Variants in CTSB observed in about 807,000 individuals in gnomAD.
CTSB encodes APP secretase.
Under a neutral mutation model 44.3 loss-of-function variants are expected in CTSB, and 57 were observed. That is an observed-to-expected ratio of 1.29 (90% confidence interval 1.04 to 1.60). The LOEUF is 1.60. CTSB is among the 40% of genes most tolerant of loss of function. The probability of loss-of-function intolerance (pLI) is 0.00; values close to 1 mark genes in which losing one functional copy is unlikely to be tolerated. For missense variants in CTSB, 768 were observed against 443.0 expected (o/e 1.73, Z -6.59); for synonymous variants, 320 against 168.0 (o/e 1.91, Z -7.00).
rs577676384 is a variant in CTSB, at chr8:11,844,278, T to C, written c.*847A>G. ...AAGAGAGACAGCAGCTACAAGTCTA[T>C]AGGCAGTGACAAAGGATCTGAGATC... On this transcript the variant is annotated 3_prime_UTR_variant, in exon 10 of 10. Transcript: ENST00000353047. 4 of 152,356 alleles carry C rather than the reference T, an allele frequency of 2.6e-5. No homozygotes were observed. Among genetic ancestry groups the C allele is most frequent in the Admixed American group, 6.5e-5 (1 of 15,300 alleles). 9.4% of individuals were successfully genotyped at this position (152,356 alleles called of 1,614,324 possible).
chr8:11,850,489 G>T, intron 4 of CTSB: 1 of 154,986 alleles, frequency 6.5e-6, no homozygotes, highest in African/African-American at 2.4e-5. Context: ...TTACATTTCT[G>T]TTACGTGTAT....
At chr8:11,847,218 G>T in intron 7 of CTSB, 50 bp from the exon 8 acceptor site, 1 of 1,159,186 alleles carries the variant, frequency 8.6e-7, no homozygotes, top group South Asian at 1.2e-5. Context: ...ACCGTGCCTC[G>T]TGGCACGCCA....
In CTSB at chr8:11,844,955, C is replaced by A; in HGVS notation, c.*170G>T. The A allele has an allele frequency of 1.6e-6, 1 of 610,410 alleles. No homozygotes were observed. 37.8% of individuals were successfully genotyped at this position (610,410 alleles called of 1,614,324 possible). A position where few individuals can be genotyped will look rare whatever the true frequency, so the allele number is the denominator to read the frequency against. Reference sequence around the variant, plus strand: ...ACATGGCCTGTCTGCACTGTAACCACAGGCTGGGATGTAGCCAGGACTTGG... The same window carrying A: ...ACATGGCCTGTCTGCACTGTAACCAAAGGCTGGGATGTAGCCAGGACTTGG... On this transcript the variant is annotated 3_prime_UTR_variant, in exon 10 of 10. Coordinates refer to ENST00000353047, the MANE Select transcript of CTSB (RefSeq NM_001908.5).
At chr8:11,865,023 C>T (rs1684010858) in intron 1 of CTSB, among the ~76,000 whole-genome samples, 1 of 152,158 alleles carries the variant, frequency 6.6e-6, no homozygotes, top group Non-Finnish European at 1.5e-5. Flanking sequence ...TGCCAGGGCG[C>T]AAGGTTTGCC....
chr8:11,860,890 G>T (rs751491635), intron 1 of CTSB, among the ~76,000 whole-genome samples: 1 of 152,212 alleles, frequency 6.6e-6, no homozygotes, highest in South Asian at 2.1e-4. Context: ...CACAAAACAA[G>T]ACTTCGGCGA....
chr8:11,845,873 T>G (rs1447189168), intron 8 of CTSB, 84 bp from the exon 9 acceptor site: 8 of 1,450,872 alleles, frequency 5.5e-6, no homozygotes, highest in Non-Finnish European at 6.4e-6. Flanking sequence ...CTGGTCATGC[T>G]CCGGGAAGGA....
chr8:11,843,900 T>G lies in CTSB; in HGVS notation c.*1225A>C, dbSNP rs74846320. The G allele has an allele frequency of 6.6e-6, 1 of 152,114 alleles. No homozygotes were observed. Among genetic ancestry groups the G allele is most frequent in the African/African-American group, 2.4e-5 (1 of 41,398 alleles). 9.4% of individuals were successfully genotyped at this position (152,114 alleles called of 1,614,324 possible). A position where few individuals can be genotyped will look rare whatever the true frequency, so the allele number is the denominator to read the frequency against. On this transcript the variant is annotated 3_prime_UTR_variant, in exon 10 of 10. Coordinates refer to ENST00000353047, the MANE Select transcript of CTSB (RefSeq NM_001908.5). ...TACAAAAATTACCCAGGCATATTGGTGAGTGCCTGTCATCCCAGCTACTCG... is the reference window on the plus strand; with the variant it reads ...TACAAAAATTACCCAGGCATATTGGGGAGTGCCTGTCATCCCAGCTACTCG...
In CTSB at chr8:11,854,003, CG is replaced by C. The variant is rs201804570; in HGVS notation, c.-25-525del. 5.3e-3 allele frequency among the ~76,000 whole-genome samples: 814 copies of C among 152,286 alleles called. 3 individuals carry two copies. Among genetic ancestry groups the C allele is most frequent in the African/African-American group, 0.019 (775 of 41,548 alleles). On this transcript the variant is annotated intron_variant, in intron 1 of 9. Transcript: ENST00000353047. ...GCTGGGCTGGCCATCCACCCACTCC[CG>C]GGGCCTCTCTGGTTTTTCCAGTCAG...
intron 2 of CTSB, 68 bp downstream of exon 2, chr8:11,853,261 T>C: frequency 4.4e-6 from 7 of 1,582,728 alleles, no homozygotes; most frequent in Non-Finnish European, 6.0e-6. Flanking sequence ...TGGCTTCCCA[T>C]TCCTGGAGTC....
intron 7 of CTSB, among the ~76,000 whole-genome samples, chr8:11,847,414 G>A (rs1169024692): frequency 2.0e-5 from 3 of 152,192 alleles, no homozygotes; most frequent in East Asian, 1.9e-4. Flanking sequence ...GATACCTCAA[G>A]ACTCCAGGAC....
At position 11,845,121 on chromosome 8, in the gene CTSB, C is replaced by G. The variant is rs867836221; in HGVS notation, c.*4G>C. Reference sequence around the variant, plus strand: ...CAGGACTGGCACGACAGGCCCACGGCAGATTAGATCTTTTCCCAGTACTGA... The same window carrying G: ...CAGGACTGGCACGACAGGCCCACGGGAGATTAGATCTTTTCCCAGTACTGA... On this transcript the variant is annotated 3_prime_UTR_variant, in exon 10 of 10. Transcript: ENST00000353047. 3.1e-6 allele frequency: 5 copies of G among 1,606,724 alleles called. No homozygotes were observed. The highest frequency in any genetic ancestry group is 4.3e-6 in the Non-Finnish European group (5 of 1,173,210).
intron 3 of CTSB, among the ~76,000 whole-genome samples, chr8:11,851,701 C>G (rs1814626686): frequency 6.6e-6 from 1 of 152,120 alleles, no homozygotes; most frequent in South Asian, 2.1e-4. Context: ...TGCAACTTAA[C>G]TACCCCATCC....
intron 1 of CTSB, among the ~76,000 whole-genome samples, chr8:11,862,653 G>C (rs372442863): frequency 6.6e-6 from 1 of 152,346 alleles, no homozygotes; most frequent in East Asian, 1.9e-4. Flanking sequence ...TTGATGATAC[G>C]CTTCCAACCC....
intron 1 of CTSB, among the ~76,000 whole-genome samples, chr8:11,858,938 T>C (rs1815953310): frequency 6.6e-6 from 1 of 152,146 alleles, no homozygotes; most frequent in African/African-American, 2.4e-5. Flanking sequence ...TTACAAGAGA[T>C]GATGAACACA....
intron 2 of CTSB, among the ~76,000 whole-genome samples, chr8:11,852,995 C>A (rs531723958): frequency 1.6e-4 from 24 of 152,128 alleles, no homozygotes; most frequent in African/African-American, 5.8e-4. Flanking sequence ...GAATCAGGGG[C>A]GGGACTGATA....
chr8:11,863,811 C>T (rs905824628), intron 1 of CTSB, among the ~76,000 whole-genome samples: 3 of 152,172 alleles, frequency 2.0e-5, no homozygotes, highest in African/African-American at 7.2e-5. Flanking sequence ...AACAGGAACT[C>T]TGCACACTGC....
At chr8:11,860,401 C>G (rs984493685) in intron 1 of CTSB, among the ~76,000 whole-genome samples, 2 of 152,070 alleles carry the variant, frequency 1.3e-5, no homozygotes, top group Non-Finnish European at 2.9e-5. Context: ...GGAGGTGGAT[C>G]ACCTGAGGTC....
intron 1 of CTSB, chr8:11,864,346 TG>T (rs1816823229): frequency 9.8e-6 from 1 of 102,336 alleles, no homozygotes; most frequent in Non-Finnish European, 2.0e-5. Flanking sequence ...AAAAAAAACC[TG>T]GGCACCGCCT....
intron 3 of CTSB, among the ~76,000 whole-genome samples, 196 bp downstream of exon 3, chr8:11,852,414 G>A (rs1192463521): frequency 6.6e-6 from 1 of 152,120 alleles, no homozygotes. Flanking sequence ...AATAACTTGA[G>A]AAGGAAAAAA....
Sources: allele counts gnomAD v4.1 joint callset (sites outside exome capture counted in the v4.1 genomes callset), GRCh38; gene constraint gnomAD v4.1.1; transcripts MANE v1.5; gene names NCBI Gene and HGNC (gene_info 2026-07-23, HGNC 2026-07-21).